MACC1: variants seen among roughly 807,000 people sequenced by gnomAD.
MACC1 encodes metastasis-associated in colon cancer protein 1.
Under a neutral mutation model 70.7 loss-of-function variants are expected in MACC1, and 79 were observed. That is an observed-to-expected ratio of 1.12 (90% CI 0.93 to 1.35). The LOEUF (loss-of-function observed/expected upper bound fraction) is 1.35, where lower values mean the gene tolerates loss of function less well. MACC1 is among the 40% of genes most tolerant of loss of function. The pLI is 0.00. For missense variants in MACC1, 1,106 were observed against 978.1 expected, an observed-to-expected ratio of 1.13 and a Z score of -1.74; for synonymous variants, 361 against 347.2, an observed-to-expected ratio of 1.04 and a Z score of -0.44.
chr7:20,210,191 C>A (rs563848006), intron 1 of MACC1, among the ~76,000 whole-genome samples: 1 of 152,214 alleles, frequency 6.6e-6, no homozygotes, highest in South Asian at 2.1e-4. Flanking sequence ...AGTGAACATG[C>A]AACACTTTTG....
intron 2 of MACC1, among the ~76,000 whole-genome samples, chr7:20,168,018 A>G (rs1445729738): frequency 6.6e-6 from 1 of 152,230 alleles, no homozygotes; most frequent in Non-Finnish European, 1.5e-5. Context: ...AAGAAAGGAG[A>G]AAAGCATTAT....
At chr7:20,170,480 G>A (rs558536245) in intron 2 of MACC1, 2 of 152,326 alleles carry the variant, frequency 1.3e-5, no homozygotes, top group South Asian at 2.1e-4. Context: ...CACTGTGAAA[G>A]TTTGTCATTT....
At chr7:20,206,099 C>T (rs750339145) in intron 1 of MACC1, among the ~76,000 whole-genome samples, 1 of 151,524 alleles carries the variant, frequency 6.6e-6, no homozygotes. Context: ...TTGGTAAATC[C>T]ACTACCCAGG....
At chr7:20,183,338 G>C (rs1467001376) in intron 1 of MACC1, among the ~76,000 whole-genome samples, 1 of 152,164 alleles carries the variant, frequency 6.6e-6, no homozygotes, top group Non-Finnish European at 1.5e-5. Flanking sequence ...TCCTACAGCT[G>C]CAAGAAACTA....
intron 3 of MACC1, among the ~76,000 whole-genome samples, chr7:20,162,737 AT>A (rs1283102510): frequency 5.3e-5 from 8 of 152,208 alleles, no homozygotes; most frequent in South Asian, 4.1e-4. Context: ...TGCTAAAAAA[AT>A]ATTACATTGA....
intron 1 of MACC1, among the ~76,000 whole-genome samples, chr7:20,173,133 C>T (rs1782337375): frequency 6.6e-6 from 1 of 152,134 alleles, no homozygotes; most frequent in Admixed American, 6.5e-5. Flanking sequence ...CGAGATGGAT[C>T]CCAGGCTTCA....
At chr7:20,196,077 C>T (rs73685451) in intron 1 of MACC1, among the ~76,000 whole-genome samples, 1 of 151,916 alleles carries the variant, frequency 6.6e-6, no homozygotes, top group Non-Finnish European at 1.5e-5. Flanking sequence ...TCTCTGGGGT[C>T]CCTTTGGCCA....
At chr7:20,161,666 C>T (rs1782140379) in intron 4 of MACC1, 82 bp downstream of exon 4, 5 of 776,676 alleles carry the variant, frequency 6.4e-6, no homozygotes, top group Non-Finnish European at 1.1e-5. Flanking sequence ...CCAGCATTTT[C>T]AGAGGTAGAC....
At chr7:20,192,615 T>C (rs953032319) in intron 1 of MACC1, among the ~76,000 whole-genome samples, 6 of 152,156 alleles carry the variant, frequency 3.9e-5, no homozygotes, top group Admixed American at 2.0e-4. Flanking sequence ...ACCCAGAGAA[T>C]CCCTAACTAG....
chr7:20,168,046 C>T (rs1170071624), intron 2 of MACC1, among the ~76,000 whole-genome samples: 1 of 152,180 alleles, frequency 6.6e-6, no homozygotes, highest in African/African-American at 2.4e-5. Flanking sequence ...GAAGAATGCT[C>T]ATCTTACAGA....
intron 1 of MACC1, among the ~76,000 whole-genome samples, chr7:20,215,884 C>T (rs1414472248): frequency 1.3e-5 from 2 of 152,092 alleles, no homozygotes; most frequent in East Asian, 1.9e-4. Flanking sequence ...TGTAAATTAG[C>T]TACAAGGAAG....
intron 2 of MACC1, among the ~76,000 whole-genome samples, chr7:20,164,978 G>T (rs576853770): frequency 6.6e-6 from 1 of 151,828 alleles, no homozygotes; most frequent in South Asian, 2.1e-4. Context: ...ATGAAAAATA[G>T]TTATAACCAA....
intron 1 of MACC1, among the ~76,000 whole-genome samples, chr7:20,187,250 T>C (rs1016830786): frequency 1.3e-5 from 2 of 152,148 alleles, no homozygotes; most frequent in South Asian, 4.1e-4. Flanking sequence ...GAGAGGACAA[T>C]AGTAATAAAA....
intron 1 of MACC1, among the ~76,000 whole-genome samples, chr7:20,177,351 T>C (rs948184743): frequency 3.9e-5 from 6 of 152,160 alleles, no homozygotes; most frequent in Non-Finnish European, 8.8e-5. Context: ...AACTATTTTA[T>C]ACCTGTTTAA....
rs776500168 is a variant in MACC1 at position 20,159,405 on chromosome 7, G to A, written c.956C>T (p.Pro319Leu). The A allele has an allele frequency of 8.1e-6, 13 of 1,613,838 alleles. No individual in the cohort carries two copies. In the Admixed American group the frequency reaches 2.2e-4, roughly 27 times the overall value. The change falls in exon 5 of 7, where the codon CCT (proline) becomes CTT (leucine). Residue 319 changes from proline (P) to leucine (L), a missense_variant. Transcript: ENST00000400331. Reference protein sequence around the residue: ...VCLHSLGKEGPFKVLSNCYIY... With the variant: ...VCLHSLGKEGLFKVLSNCYIY... ...GTAGCAGTTGCTTAAAACTTTAAAAGGGCCTTCTTTACCCAAGCTGTGTAA... is the reference window on the plus strand; with the variant it reads ...GTAGCAGTTGCTTAAAACTTTAAAAAGGCCTTCTTTACCCAAGCTGTGTAA...
chr7:20,152,180 A>C (rs1218030413), intron 6 of MACC1, among the ~76,000 whole-genome samples: 1 of 152,190 alleles, frequency 6.6e-6, no homozygotes, highest in East Asian at 1.9e-4. Flanking sequence ...AAACAGCTCA[A>C]CTGCAGGCAT....
chr7:20,164,160 C>A (rs532471528), intron 3 of MACC1, 96 bp downstream of exon 3: 3 of 152,410 alleles, frequency 2.0e-5, no homozygotes, highest in South Asian at 2.1e-4. Context: ...TGGTCTCGAA[C>A]TCCTGACCTC....
Position 20,154,281 on chromosome 7 carries a change from A to G in MACC1, c.2258T>C (p.Leu753Pro), listed in dbSNP as rs1434466393. The change falls in exon 6 of 7, where the codon CTA becomes CCA. Residue 753 changes from leucine (L) to proline (P), a missense_variant. Transcript: ENST00000400331. The stretch of plus-strand genomic sequence containing the variant: ...TGTGAGTCGTACTAACTTTTCAGCT[A>G]GTTCCCTCCAGCCTTTTCCAAGCTT... The part of the protein sequence containing the change: ...AVKLGKGWRE[L>P]AEKLVRLTKQ... 3 of 1,613,830 alleles carry G rather than the reference A, an allele frequency of 1.9e-6. No homozygotes were observed. Among genetic ancestry groups the G allele is most frequent in the Non-Finnish European group, 2.5e-6 (3 of 1,179,932 alleles).
rs115162966 is a variant in MACC1 at position 20,193,170 on chromosome 7, A to G, written c.-217-22392T>C. On this transcript the variant is annotated intron_variant, in intron 1 of 6. Coordinates refer to ENST00000400331, the MANE Select transcript of MACC1 (RefSeq NM_182762.4). Reference sequence around the variant, plus strand: ...AGAAAATAAGAGGAAGGGGACAGCTATGTTTATAAAACTCTTTATCAGAGA... The same window carrying G: ...AGAAAATAAGAGGAAGGGGACAGCTGTGTTTATAAAACTCTTTATCAGAGA... Among the ~76,000 whole-genome samples, 769 of 152,328 alleles carry G rather than the reference A, an allele frequency of 5.0e-3. 12 individuals are homozygous for G. The highest frequency in any genetic ancestry group is 0.017 in the African/African-American group (705 of 41,568).
Sources: gnomAD v4.1 joint callset for allele counts (sites outside exome capture counted in the v4.1 genomes callset) on GRCh38, gnomAD v4.1.1 for gene constraint, MANE v1.5 for transcripts, NCBI Gene and HGNC (gene_info 2026-07-23, HGNC 2026-07-21) for gene names.